ASAP1: variants seen among roughly 807,000 people sequenced by gnomAD.
ASAP1 encodes ArfGAP with SH3 domain, ankyrin repeat and PH domain 1.
ASAP1 carries 43 observed loss-of-function variants against 145.2 expected under a neutral mutation model. That is an observed-to-expected ratio of 0.30 (90% CI 0.23 to 0.38). The LOEUF (loss-of-function observed/expected upper bound fraction) is 0.38. ASAP1 is among the 10% of genes least tolerant of loss of function. ASAP1 has a pLI of 1.00. For synonymous variants in ASAP1, 546 were observed against 515.5 expected (o/e 1.06, Z -0.80); for missense variants, 1,018 against 1,355.3 (o/e 0.75, Z 3.91).
intron 25 of ASAP1, among the ~76,000 whole-genome samples, chr8:130,087,399 A>G (rs1413972783): frequency 2.6e-5 from 4 of 152,150 alleles, no homozygotes; most frequent in Non-Finnish European, 5.9e-5. Flanking sequence ...GGGTGCCTGC[A>G]ATCCCAGCTA....
chr8:130,384,565 C>T (rs1330617360), intron 2 of ASAP1, among the ~76,000 whole-genome samples: 2 of 152,140 alleles, frequency 1.3e-5, no homozygotes, highest in Non-Finnish European at 2.9e-5. Flanking sequence ...TGCAACCTCC[C>T]CCTCGCCGGT....
At chr8:130,256,606 T>C (rs1483069268) in intron 3 of ASAP1, among the ~76,000 whole-genome samples, 1 of 151,508 alleles carries the variant, frequency 6.6e-6, no homozygotes, top group Non-Finnish European at 1.5e-5. Context: ...GGAGATAAAA[T>C]TTCCAGGGCA....
chr8:130,219,570 C>A (rs1437424666), intron 4 of ASAP1, among the ~76,000 whole-genome samples: 1 of 152,176 alleles, frequency 6.6e-6, no homozygotes, highest in Non-Finnish European at 1.5e-5. Context: ...TTTCAGAGAG[C>A]AGGATGCAGC....
chr8:130,117,888 T>C (rs891241663), intron 20 of ASAP1, among the ~76,000 whole-genome samples: 2 of 152,242 alleles, frequency 1.3e-5, no homozygotes, highest in African/African-American at 4.8e-5. Context: ...TCTGGTTCAC[T>C]GTCTGTTTTT....
At chr8:130,152,872 T>C in intron 12 of ASAP1, 67 bp from the exon 13 acceptor site, 1 of 1,165,182 alleles carries the variant, frequency 8.6e-7, no homozygotes, top group South Asian at 1.6e-5. Flanking sequence ...GACGATACAG[T>C]ATGATACATA....
At chr8:130,131,051 C>T (rs1231786470) in intron 15 of ASAP1, among the ~76,000 whole-genome samples, 6 of 151,912 alleles carry the variant, frequency 3.9e-5, no homozygotes, top group Non-Finnish European at 5.9e-5. Context: ...CAGGTACTCG[C>T]GAGGCTGAGG....
At chr8:130,212,793 ATAT>A in intron 5 of ASAP1, among the ~76,000 whole-genome samples, 1 of 152,354 alleles carries the variant, frequency 6.6e-6, no homozygotes, top group Non-Finnish European at 1.5e-5. Context: ...TGTATGGCAC[ATAT>A]ACACACAGTT....
chr8:130,397,051 T>C (rs1828562016), intron 2 of ASAP1, among the ~76,000 whole-genome samples: 1 of 152,220 alleles, frequency 6.6e-6, no homozygotes, highest in Admixed American at 6.5e-5. Flanking sequence ...CTTTATTCCC[T>C]TGGACTTGAG....
At chr8:130,081,771 G>A (rs1345259190) in intron 25 of ASAP1, among the ~76,000 whole-genome samples, 2 of 152,160 alleles carry the variant, frequency 1.3e-5, no homozygotes, top group Non-Finnish European at 2.9e-5. Context: ...GTGTACCTGG[G>A]AGTCCTGACC....
At chr8:130,174,077 CA>C (rs1813782689) in intron 9 of ASAP1, among the ~76,000 whole-genome samples, 1 of 100,314 alleles carries the variant, frequency 1.0e-5, no homozygotes, top group Non-Finnish European at 1.8e-5. Context: ...GACAGAGTGG[CA>C]AGACTCCGTC....
At chr8:130,234,994 T>C (rs965678743) in intron 4 of ASAP1, among the ~76,000 whole-genome samples, 25 of 152,282 alleles carry the variant, frequency 1.6e-4, no homozygotes, top group Admixed American at 8.5e-4. Context: ...AGGCAGTGTA[T>C]TAGGGGCCTT....
intron 1 of ASAP1, among the ~76,000 whole-genome samples, chr8:130,412,288 T>C (rs982652627): frequency 2.0e-5 from 3 of 152,174 alleles, no homozygotes; most frequent in Non-Finnish European, 4.4e-5. Flanking sequence ...AACTGGATCA[T>C]GGAGGTAGAT....
intron 25 of ASAP1, among the ~76,000 whole-genome samples, chr8:130,080,516 C>A (rs1386866513): frequency 4.0e-5 from 6 of 149,466 alleles, no homozygotes; most frequent in African/African-American, 1.5e-4. Context: ...CACTCTGTCA[C>A]CCAGGCTAGA....
intron 3 of ASAP1, among the ~76,000 whole-genome samples, chr8:130,322,783 G>A (rs559603673): frequency 3.3e-5 from 5 of 152,258 alleles, no homozygotes; most frequent in Admixed American, 6.5e-5. Flanking sequence ...ATGCACATAC[G>A]TATAACTAAC....
At chr8:130,329,513 T>A (rs2137769955) in intron 3 of ASAP1, among the ~76,000 whole-genome samples, 1 of 152,266 alleles carries the variant, frequency 6.6e-6, no homozygotes, top group South Asian at 2.1e-4. Context: ...TCTATAGTCC[T>A]ACAGACGTAG....
At chr8:130,161,450 G>C (rs1209176816) in intron 11 of ASAP1, among the ~76,000 whole-genome samples, 3 of 152,148 alleles carry the variant, frequency 2.0e-5, no homozygotes, top group Non-Finnish European at 4.4e-5. Flanking sequence ...GTGTTCAAAA[G>C]CATGTCCTGA....
rs1018765041 is a variant in ASAP1 at position 130,066,182 on chromosome 8, C to T, written c.2702-5113G>A. ...GCCTTCCCAATAAAATCTCCCCTTG[C>T]CCATATACCAAATGTTATTAAGGAC... On this transcript the variant is annotated intron_variant, in intron 27 of 29. Coordinates refer to ENST00000518721, the MANE Select transcript of ASAP1 (RefSeq NM_018482.4). Among the ~76,000 whole-genome samples, 4 of 152,160 alleles carry T rather than the reference C, an allele frequency of 2.6e-5. No homozygotes were observed. In the South Asian group the frequency reaches 6.2e-4, roughly 24 times the overall value.
At chr8:130,405,633 C>T (rs187511003) in intron 1 of ASAP1, among the ~76,000 whole-genome samples, 13 of 152,288 alleles carry the variant, frequency 8.5e-5, no homozygotes, top group African/African-American at 2.2e-4. Context: ...GCCTGGCCTA[C>T]GTCACTAGAC....
At chr8:130,441,314 A>C (rs1279417608) in intron 1 of ASAP1, among the ~76,000 whole-genome samples, 1 of 152,120 alleles carries the variant, frequency 6.6e-6, no homozygotes, top group Non-Finnish European at 1.5e-5. Flanking sequence ...CCTCCTTAGG[A>C]CTTCTTAGGA....
Sources: allele counts gnomAD v4.1 joint callset (sites outside exome capture counted in the v4.1 genomes callset), GRCh38; gene constraint gnomAD v4.1.1; transcripts MANE v1.5; gene names NCBI Gene and HGNC (gene_info 2026-07-23, HGNC 2026-07-21).